C2orf92: variants seen among roughly 807,000 people sequenced by gnomAD.
C2orf92 encodes the protein uncharacterized protein C2orf92.
chr2:97,669,978 G>C, intron 1 of C2orf92, 144 bp downstream of exon 1: 1 of 396,536 alleles, frequency 2.5e-6, no homozygotes, highest in Non-Finnish European at 4.4e-6. Context: ...CTGCCATTCA[G>C]GGTTTATTAC....
At chr2:97,679,300 A>G (rs1044153270) in intron 3 of C2orf92, among the ~76,000 whole-genome samples, 8 of 152,196 alleles carry the variant, frequency 5.3e-5, no homozygotes, top group Non-Finnish European at 2.9e-5. Flanking sequence ...TAATAATTAC[A>G]CATCTGTTAA....
chr2:97,690,639 C>A (rs1676101410), intron 5 of C2orf92, among the ~76,000 whole-genome samples: 1 of 151,982 alleles, frequency 6.6e-6, no homozygotes, highest in African/African-American at 2.4e-5. Flanking sequence ...CCTTGGCCTC[C>A]CAAAGTGCTG....
upstream of C2orf92, chr2:97,665,729 CTCTCTCTCTATATA>C (rs1174199362): frequency 1.6e-3 from 43 of 27,582 alleles, no homozygotes; most frequent in East Asian, 3.4e-3. Flanking sequence ...CTCTCTCTCT[CTCTCTCTCTATATA>C]TATATATATA....
At position 97,688,998 on chromosome 2, in the gene C2orf92, G is replaced by A; in HGVS notation, c.331+5G>A. ...CAAAGACAGACATGAGAAAAGGCAAGTGTATGTCATTAACATAATAAGTGC... is the reference window on the plus strand; with the variant it reads ...CAAAGACAGACATGAGAAAAGGCAAATGTATGTCATTAACATAATAAGTGC... On this transcript the variant is annotated splice_donor_5th_base_variant and intron_variant, in intron 4 of 7. Transcript: ENST00000627399. The A allele has an allele frequency of 2.5e-6, 1 of 398,638 alleles. No individual in the cohort carries two copies. Among genetic ancestry groups the A allele is most frequent in the Non-Finnish European group, 4.4e-6 (1 of 226,066 alleles). 24.7% of individuals were successfully genotyped at this position (398,638 alleles called of 1,614,324 possible).
At chr2:97,690,773 T>G (rs575455901) in intron 5 of C2orf92, among the ~76,000 whole-genome samples, 2 of 130,628 alleles carry the variant, frequency 1.5e-5, no homozygotes, top group African/African-American at 6.2e-5. Flanking sequence ...AGAGTACTTG[T>G]TTTTTTTTTT....
At chr2:97,673,266 C>CTCCA (rs932437413) in intron 1 of C2orf92, among the ~76,000 whole-genome samples, 15 of 152,178 alleles carry the variant, frequency 9.9e-5, no homozygotes, top group African/African-American at 3.4e-4. Flanking sequence ...GGGCTCCTTG[C>CTCCA]TCCACATCCT....
Position 97,703,014 on chromosome 2 carries a change from C to A in C2orf92, c.*213C>A. The A allele has an allele frequency of 5.3e-6, 2 of 380,944 alleles. No homozygotes were observed. The highest frequency in any genetic ancestry group is 9.3e-6 in the Non-Finnish European group (2 of 215,372). 23.6% of individuals were successfully genotyped at this position (380,944 alleles called of 1,614,324 possible). On this transcript the variant is annotated 3_prime_UTR_variant, in exon 8 of 8. Transcript: ENST00000627399. ...CACCGATGGCTGGCGTCGGTGAACC[C>A]GACAGACTATGGATTTATCATTTAA... is the stretch of plus-strand genomic sequence containing the variant.
At chr2:97,680,013 A>ACATATACACATGTGT (rs1675713299) in intron 3 of C2orf92, among the ~76,000 whole-genome samples, 1 of 152,158 alleles carries the variant, frequency 6.6e-6, no homozygotes, top group African/African-American at 2.4e-5. Flanking sequence ...AACAAATAGC[A>ACATATACACATGTGT]AAATGGCTGA....
At chr2:97,696,936 A>T (rs1403850694) in intron 5 of C2orf92, among the ~76,000 whole-genome samples, 3 of 152,212 alleles carry the variant, frequency 2.0e-5, no homozygotes, top group Non-Finnish European at 4.4e-5. Context: ...ATTAACATGT[A>T]ATCAAAGGCT....
intron 1 of C2orf92, among the ~76,000 whole-genome samples, chr2:97,673,701 A>G (rs754117402): frequency 2.0e-5 from 3 of 151,936 alleles, no homozygotes; most frequent in Non-Finnish European, 4.4e-5. Context: ...TTGTATCTGT[A>G]TATACTTCTG....
intron 3 of C2orf92, among the ~76,000 whole-genome samples, chr2:97,677,191 G>A (rs1423337553): frequency 6.6e-6 from 1 of 152,190 alleles, no homozygotes; most frequent in Non-Finnish European, 1.5e-5. Flanking sequence ...AGGATTGCTG[G>A]TGCCAGGGTG....
chr2:97,694,246 T>C (rs1411782925), intron 5 of C2orf92, among the ~76,000 whole-genome samples: 1 of 151,522 alleles, frequency 6.6e-6, no homozygotes, highest in Non-Finnish European at 1.5e-5. Flanking sequence ...CTTTCTTTCT[T>C]TCTTTTTTTT....
intron 3 of C2orf92, among the ~76,000 whole-genome samples, chr2:97,680,552 A>G (rs1675733613): frequency 6.6e-6 from 1 of 152,220 alleles, no homozygotes; most frequent in Non-Finnish European, 1.5e-5. Flanking sequence ...TTTTCAGACA[A>G]AATAGATGTT....
intron 7 of C2orf92, 123 bp from the exon 8 acceptor site, chr2:97,702,546 C>T (rs1676527624): frequency 5.0e-6 from 2 of 396,166 alleles, no homozygotes; most frequent in East Asian, 3.6e-5. Flanking sequence ...GATGACAAAC[C>T]TTACTGATGG....
chr2:97,696,896 A>G (rs1264384065), intron 5 of C2orf92, among the ~76,000 whole-genome samples: 1 of 152,256 alleles, frequency 6.6e-6, no homozygotes, highest in Non-Finnish European at 1.5e-5. Flanking sequence ...ACTGAATGGA[A>G]CATAGCATCA....
At chr2:97,667,430 GTTTTTTTTTTT>G (rs1203203673), upstream of C2orf92, among the ~76,000 whole-genome samples, 1 of 118,820 alleles carries the variant, frequency 8.4e-6, no homozygotes, top group Admixed American at 8.7e-5. Flanking sequence ...GCCCAGCTAA[GTTTTTTTTTTT>G]TTTTTTTTTG....
At chr2:97,676,366 G>A (rs1054400743) in intron 3 of C2orf92, among the ~76,000 whole-genome samples, 9 of 148,594 alleles carry the variant, frequency 6.1e-5, no homozygotes, top group East Asian at 6.0e-4. Flanking sequence ...CCCGGGAGGC[G>A]GAGCTTGCAG....
intron 1 of C2orf92, chr2:97,671,475 G>C: frequency 2.5e-6 from 1 of 398,558 alleles, no homozygotes; most frequent in Non-Finnish European, 4.4e-6. Context: ...AAAAAATCCT[G>C]ATGAAGGTTT....
intron 5 of C2orf92, among the ~76,000 whole-genome samples, chr2:97,697,678 G>T (rs186425705): frequency 2.6e-5 from 4 of 152,212 alleles, no homozygotes; most frequent in African/African-American, 9.6e-5. Flanking sequence ...ACACCCACAT[G>T]ATGGTCTTAA....
Sources: gnomAD v4.1 joint callset for allele counts (sites outside exome capture counted in the v4.1 genomes callset) on GRCh38, gnomAD v4.1.1 for gene constraint, MANE v1.5 for transcripts, NCBI Gene and HGNC (gene_info 2026-07-23, HGNC 2026-07-21) for gene names.